The following ZNF804B variants were observed in gnomAD, a reference collection of about 807,000 sequenced individuals.
ZNF804B encodes the protein zinc finger protein 804B, also known as zinc finger 804B.
Under a neutral mutation model 101.4 loss-of-function variants are expected in ZNF804B, and 80 were observed. The observed-to-expected ratio is 0.79, with a 90% confidence interval of 0.66 to 0.95. ZNF804B has a LOEUF of 0.95. ZNF804B is among the 40% of genes least tolerant of loss of function. The pLI, the probability that ZNF804B is intolerant of heterozygous loss-of-function variation, is 0.00. For missense variants in ZNF804B, 1,673 were observed against 1,561.9 expected (o/e 1.07, Z -1.20); for synonymous variants, 622 against 558.8 (o/e 1.11, Z -1.59).
At chr7:88,913,265 T>G (rs1792576263) in intron 1 of ZNF804B, among the ~76,000 whole-genome samples, 1 of 152,206 alleles carries the variant, frequency 6.6e-6, no homozygotes, top group South Asian at 2.1e-4. Flanking sequence ...ATTATATATC[T>G]TTTTATGGAG....
intron 1 of ZNF804B, among the ~76,000 whole-genome samples, chr7:89,152,938 A>G (rs1469352142): frequency 6.6e-6 from 1 of 152,144 alleles, no homozygotes; most frequent in Non-Finnish European, 1.5e-5. Context: ...GTCTTTAAAC[A>G]TTTGGGCTGT....
At chr7:89,236,944 AT>A (rs2115753063) in intron 2 of ZNF804B, among the ~76,000 whole-genome samples, 1 of 152,244 alleles carries the variant, frequency 6.6e-6, no homozygotes, top group East Asian at 1.9e-4. Flanking sequence ...TACATTGCTA[AT>A]GACATGAAGG....
In ZNF804B at chr7:89,334,378, A is replaced by C. The variant is rs773013929; in HGVS notation, c.1396A>C (p.Lys466Gln). The C allele has an allele frequency of 1.2e-6, 2 of 1,613,834 alleles. No individual in the cohort carries two copies. Among genetic ancestry groups the C allele is most frequent in the Non-Finnish European group, 1.7e-6 (2 of 1,179,844 alleles). Residue 466 changes from lysine (K) to glutamine (Q), a missense_variant, in exon 4 of 4, where the codon AAA becomes CAA. Lys to Gln is a moderately conservative substitution (Grantham distance 53). Transcript: ENST00000333190. ...GCCTACGGAACTTCTGCTCTTTACA[A>C]AAACAGAACCCTGTATCTCTTATGG... ...QWPTELLLFT[K>Q]TEPCISYGCN...
intron 1 of ZNF804B, among the ~76,000 whole-genome samples, chr7:88,880,797 G>A (rs1490824061): frequency 6.6e-6 from 1 of 151,958 alleles, no homozygotes; most frequent in African/African-American, 2.4e-5. Context: ...TTTCAATATG[G>A]TGATTATTAA....
chr7:89,171,288 GCTT>G (rs1203060273), intron 1 of ZNF804B, among the ~76,000 whole-genome samples: 3,547 of 81,980 alleles, frequency 0.043, 89 homozygotes, highest in East Asian at 0.092. Context: ...TGCTGCTGCT[GCTT>G]CTTCTTCTTC....
intron 1 of ZNF804B, among the ~76,000 whole-genome samples, chr7:88,762,170 C>T (rs1328012204): frequency 6.6e-6 from 1 of 152,222 alleles, no homozygotes; most frequent in African/African-American, 2.4e-5. Context: ...ATTACATATG[C>T]ATCATTTAAA....
intron 1 of ZNF804B, among the ~76,000 whole-genome samples, chr7:88,929,804 T>C (rs974318752): frequency 1.3e-5 from 2 of 151,996 alleles, no homozygotes; most frequent in African/African-American, 4.8e-5. Context: ...TATTACAATT[T>C]TGTGATGTCT....
intron 1 of ZNF804B, among the ~76,000 whole-genome samples, chr7:89,161,162 C>G (rs866168140): frequency 2.0e-5 from 3 of 152,128 alleles, no homozygotes; most frequent in Middle Eastern, 6.8e-3. Flanking sequence ...TGCAGAGAAA[C>G]CTCCGCAGCC....
At chr7:89,208,214 T>C (rs6967994) in intron 1 of ZNF804B, among the ~76,000 whole-genome samples, 43,974 of 151,686 alleles carry the variant, frequency 0.29, 6,575 homozygotes, top group South Asian at 0.35. Context: ...CCCGAGTAGC[T>C]GGGACTACAG....
intron 1 of ZNF804B, among the ~76,000 whole-genome samples, chr7:88,807,583 ATT>A (rs910290690): frequency 3.3e-5 from 5 of 151,038 alleles, no homozygotes; most frequent in Non-Finnish European, 7.4e-5. Context: ...TAAATTAATC[ATT>A]TTTTTTTCTG....
At chr7:89,074,842 G>A (rs1789591594) in intron 1 of ZNF804B, among the ~76,000 whole-genome samples, 1 of 152,166 alleles carries the variant, frequency 6.6e-6, no homozygotes, top group Non-Finnish European at 1.5e-5. Flanking sequence ...ATAGTGATAT[G>A]AACAATAACT....
intron 1 of ZNF804B, among the ~76,000 whole-genome samples, chr7:89,199,845 A>G (rs1788604865): frequency 3.4e-5 from 5 of 149,046 alleles, no homozygotes; most frequent in African/African-American, 9.8e-5. Context: ...GTGTGTGTGT[A>G]TATATAATAT....
At chr7:89,323,895 A>G (rs1790858519) in intron 2 of ZNF804B, among the ~76,000 whole-genome samples, 1 of 152,124 alleles carries the variant, frequency 6.6e-6, no homozygotes, top group Non-Finnish European at 1.5e-5. Context: ...TAAATGGAGG[A>G]AGGTTACTGA....
chr7:88,905,761 G>C (rs2115963454), intron 1 of ZNF804B, among the ~76,000 whole-genome samples: 1 of 152,098 alleles, frequency 6.6e-6, no homozygotes, highest in East Asian at 1.9e-4. Flanking sequence ...TTTTGGTATT[G>C]GATGCTGGCT....
intron 1 of ZNF804B, among the ~76,000 whole-genome samples, chr7:88,854,531 C>CTTCCCTTCCCTTCCCT (rs1791521541): frequency 3.8e-5 from 2 of 51,958 alleles, no homozygotes; most frequent in African/African-American, 1.8e-4. Context: ...CCTTCCTTTC[C>CTTCCCTTCCCTTCCCT]TTCCTTCCTT....
At chr7:88,856,616 T>G (rs1259837273) in intron 1 of ZNF804B, among the ~76,000 whole-genome samples, 1 of 152,118 alleles carries the variant, frequency 6.6e-6, no homozygotes, top group Non-Finnish European at 1.5e-5. Flanking sequence ...CCTGCCTAAT[T>G]GCCCTGGCTA....
chr7:88,874,827 A>G (rs1042712155), intron 1 of ZNF804B, among the ~76,000 whole-genome samples: 5 of 150,456 alleles, frequency 3.3e-5, no homozygotes, highest in Non-Finnish European at 4.4e-5. Context: ...CATCTACAGA[A>G]CTCCCCACCC....
intron 2 of ZNF804B, among the ~76,000 whole-genome samples, chr7:89,238,961 C>T (rs1286832438): frequency 6.6e-6 from 1 of 152,136 alleles, no homozygotes; most frequent in Non-Finnish European, 1.5e-5. Context: ...TTCAAGTCTA[C>T]CTTCTTGTAA....
chr7:89,120,657 C>CAAAAA (rs10636811), intron 1 of ZNF804B, among the ~76,000 whole-genome samples: 22,490 of 102,852 alleles, frequency 0.22, 2,889 homozygotes, highest in Middle Eastern at 0.24. Context: ...GACTCCGCCT[C>CAAAAA]AAAAAAAAAA....
Sources: allele counts gnomAD v4.1 joint callset (sites outside exome capture counted in the v4.1 genomes callset), GRCh38; gene constraint gnomAD v4.1.1; transcripts MANE v1.5; gene names NCBI Gene and HGNC (gene_info 2026-07-23, HGNC 2026-07-21).